The following TRPM3 variants were observed in gnomAD, a reference collection of about 807,000 sequenced individuals.
TRPM3 encodes transient receptor potential cation channel subfamily M member 3.
In TRPM3, 77 loss-of-function variants were observed where a neutral mutation model predicts 181.2. The ratio of observed to expected loss-of-function variants is 0.42; its 90% CI spans 0.35 to 0.51. The LOEUF (loss-of-function observed/expected upper bound fraction) is 0.51, where lower values mean the gene tolerates loss of function less well. TRPM3 is among the 20% of genes least tolerant of loss of function. TRPM3 has a pLI of 0.01. For missense variants in TRPM3, 1,759 were observed against 2,196.7 expected, an observed-to-expected ratio of 0.80 and a Z score of 3.98; for synonymous variants, 745 against 796.4, an observed-to-expected ratio of 0.94 and a Z score of 1.09.
chr9:71,084,990 C>A (rs1438204312), intron 1 of TRPM3, among the ~76,000 whole-genome samples: 1 of 152,046 alleles, frequency 6.6e-6, no homozygotes, highest in East Asian at 1.9e-4. Flanking sequence ...CTTTAGCCAT[C>A]TGATCATTGA....
chr9:71,203,472 A>T (rs1357937205), intron 1 of TRPM3, among the ~76,000 whole-genome samples: 1 of 152,186 alleles, frequency 6.6e-6, no homozygotes, highest in Non-Finnish European at 1.5e-5. Flanking sequence ...TCATTTGCTC[A>T]CTTGTTTGTT....
chr9:71,032,110 T>TA (rs1171399815), intron 1 of TRPM3, among the ~76,000 whole-genome samples: 82 of 90,004 alleles, frequency 9.1e-4, no homozygotes, highest in Non-Finnish European at 1.4e-3. Context: ...ATTATATATA[T>TA]TATATTATAT....
intron 1 of TRPM3, among the ~76,000 whole-genome samples, chr9:70,896,053 A>T (rs1473579697): frequency 6.6e-6 from 1 of 152,212 alleles, no homozygotes; most frequent in Admixed American, 6.5e-5. Context: ...TATATAAGTG[A>T]TGGGTCACAA....
intron 2 of TRPM3, among the ~76,000 whole-genome samples, chr9:70,863,879 T>C (rs2095580677): frequency 6.6e-6 from 1 of 152,128 alleles, no homozygotes; most frequent in Admixed American, 6.6e-5. Flanking sequence ...CTCTGTAGTC[T>C]ATATTTTAAA....
chr9:71,396,578 C>CA (rs1283988084), intron 1 of TRPM3, among the ~76,000 whole-genome samples: 2 of 151,870 alleles, frequency 1.3e-5, no homozygotes, highest in African/African-American at 4.8e-5. Flanking sequence ...AAACCCCAGC[C>CA]ACAGGAGTTT....
At chr9:70,841,042 A>G (rs2094594414) in intron 5 of TRPM3, among the ~76,000 whole-genome samples, 2 of 152,194 alleles carry the variant, frequency 1.3e-5, no homozygotes, top group African/African-American at 4.8e-5. Flanking sequence ...ATGTATTAAT[A>G]TGCATTATTA....
chr9:71,116,564 G>A (rs1198830991), intron 1 of TRPM3, among the ~76,000 whole-genome samples: 1 of 152,138 alleles, frequency 6.6e-6, no homozygotes, highest in Non-Finnish European at 1.5e-5. Context: ...TCATTATATG[G>A]AATTATAGAA....
At chr9:70,586,077 A>C (rs1337572507) in intron 22 of TRPM3, among the ~76,000 whole-genome samples, 1 of 152,116 alleles carries the variant, frequency 6.6e-6, no homozygotes, top group African/African-American at 2.4e-5. Context: ...GCTCATATCG[A>C]GCGGCTCAGC....
intron 6 of TRPM3, among the ~76,000 whole-genome samples, chr9:70,787,763 C>CTTTTTTTTTTTTTTTTTTTTTTGTTTTT (rs2084089646): frequency 8.8e-5 from 6 of 68,558 alleles, no homozygotes; most frequent in Admixed American, 1.8e-4. Flanking sequence ...TTTTTGGATT[C>CTTTTTTTTTTTTTTTTTTTTTTGTTTTT]TTTTTTTTTT....
chr9:71,025,137 T>C (rs1383092535), intron 1 of TRPM3, among the ~76,000 whole-genome samples: 1 of 152,238 alleles, frequency 6.6e-6, no homozygotes, highest in Admixed American at 6.5e-5. Flanking sequence ...AAAGTAAAAA[T>C]GTATCATAGG....
At chr9:70,892,610 CAAA>C (rs5898170) in intron 1 of TRPM3, among the ~76,000 whole-genome samples, 4 of 121,842 alleles carry the variant, frequency 3.3e-5, no homozygotes, top group Non-Finnish European at 5.4e-5. Flanking sequence ...CGTTTGACCT[CAAA>C]AAAAAAAAAA....
At chr9:71,364,406 C>T (rs754744457) in intron 1 of TRPM3, among the ~76,000 whole-genome samples, 24 of 152,208 alleles carry the variant, frequency 1.6e-4, no homozygotes, top group Non-Finnish European at 2.8e-4. Flanking sequence ...ACATTTCCAA[C>T]CACTAATTGG....
At chr9:70,671,268 G>T (rs528568526) in intron 9 of TRPM3, among the ~76,000 whole-genome samples, 1 of 152,260 alleles carries the variant, frequency 6.6e-6, no homozygotes, top group South Asian at 2.1e-4. Context: ...CAGTCAGGGA[G>T]TAGGGATGCT....
At chr9:70,988,992 T>C (rs1380844831) in intron 1 of TRPM3, among the ~76,000 whole-genome samples, 1 of 152,002 alleles carries the variant, frequency 6.6e-6, no homozygotes, top group Non-Finnish European at 1.5e-5. Context: ...AGGATGCAAC[T>C]GGCTGACTTG....
chr9:71,030,574 A>G (rs1288898286), intron 1 of TRPM3, among the ~76,000 whole-genome samples: 1 of 151,636 alleles, frequency 6.6e-6, no homozygotes, highest in East Asian at 1.9e-4. Flanking sequence ...CCCGTTCCAA[A>G]AAAAAAAAAA....
intron 8 of TRPM3, among the ~76,000 whole-genome samples, chr9:70,742,673 G>C (rs918961554): frequency 6.6e-6 from 1 of 152,134 alleles, no homozygotes; most frequent in Non-Finnish European, 1.5e-5. Context: ...GCTGTCTGGA[G>C]CTGTGTAGAC....
In TRPM3 at chr9:71,080,983, G is replaced by A. The variant is rs542590745; in HGVS notation, c.177+40195C>T. On this transcript the variant is annotated intron_variant, in intron 1 of 25. Coordinates refer to ENST00000677713, the MANE Select transcript of TRPM3 (RefSeq NM_001366145.2). Reference sequence around the variant, plus strand: ...TGGAATCAACTGTGTACCTCATAAGGACAGTACCAAAAAGCAGGAGAAGGT... The same window carrying A: ...TGGAATCAACTGTGTACCTCATAAGAACAGTACCAAAAAGCAGGAGAAGGT... 3.3e-5 allele frequency among the ~76,000 whole-genome samples: 5 copies of A among 152,136 alleles called. No homozygotes were observed. The South Asian group carries it at 8.3e-4, about 25-fold the overall frequency.
At chr9:70,985,939 G>T (rs980015590) in intron 1 of TRPM3, among the ~76,000 whole-genome samples, 1 of 152,134 alleles carries the variant, frequency 6.6e-6, no homozygotes, top group Admixed American at 6.5e-5. Flanking sequence ...AATTCAGTCT[G>T]CTTTTTATTA....
chr9:70,868,892 G>T, intron 1 of TRPM3: 1 of 701,932 alleles, frequency 1.4e-6, no homozygotes, highest in Non-Finnish European at 1.8e-6. Flanking sequence ...TTCCCTCCAA[G>T]CCTCCCTCGG....
Sources: gnomAD v4.1 joint callset for allele counts (sites outside exome capture counted in the v4.1 genomes callset) on GRCh38, gnomAD v4.1.1 for gene constraint, MANE v1.5 for transcripts, NCBI Gene and HGNC (gene_info 2026-07-23, HGNC 2026-07-21) for gene names.